ANKRD2: variants seen among roughly 807,000 people sequenced by gnomAD.
ANKRD2 encodes ankyrin repeat domain 2, also known as ankyrin repeat domain-containing protein 2.
In ANKRD2, 35 loss-of-function variants were observed where a neutral mutation model predicts 37.3. The ratio of observed to expected loss-of-function variants is 0.94; its 90% confidence interval spans 0.72 to 1.24. The LOEUF (loss-of-function observed/expected upper bound fraction) is 1.24, where lower values mean the gene tolerates loss of function less well. ANKRD2 is among the 50% of genes most tolerant of loss of function. The pLI is 0.00. For missense variants in ANKRD2, 410 were observed against 445.6 expected, an observed-to-expected ratio of 0.92 and a Z score of 0.72; for synonymous variants, 159 against 186.5, an observed-to-expected ratio of 0.85 and a Z score of 1.20.
chr10:97,572,979 A>C (rs1226403105), intron 1 of ANKRD2, 104 bp downstream of exon 1: 91 of 1,426,564 alleles, frequency 6.4e-5, no homozygotes, highest in Non-Finnish European at 8.4e-5. Context: ...GGAGGGGGGC[A>C]GATGTCCCCA....
intron 8 of ANKRD2, among the ~76,000 whole-genome samples, chr10:97,583,206 G>T (rs925498000): frequency 1.3e-5 from 2 of 152,136 alleles, no homozygotes; most frequent in Admixed American, 1.3e-4. Flanking sequence ...CACAAAAGGA[G>T]GCCATGGGAG....
At chr10:97,583,451 C>G in intron 8 of ANKRD2, 125 bp from the exon 9 acceptor site, 1 of 943,316 alleles carries the variant, frequency 1.1e-6, no homozygotes, top group East Asian at 2.9e-5. Flanking sequence ...TATCTTCACA[C>G]AATGCCAGTT....
intron 1 of ANKRD2, among the ~76,000 whole-genome samples, chr10:97,575,919 A>G (rs927430155): frequency 1.3e-5 from 2 of 152,034 alleles, no homozygotes; most frequent in Admixed American, 6.5e-5. Context: ...TCAAAAAAAA[A>G]AAAAAAATAC....
chr10:97,579,015 G>A (rs985211098), intron 4 of ANKRD2, among the ~76,000 whole-genome samples: 10 of 151,958 alleles, frequency 6.6e-5, no homozygotes, highest in African/African-American at 1.9e-4. Context: ...AACATGTTAC[G>A]GTGATCAAAT....
upstream of ANKRD2, chr10:97,572,687 G>A (rs1331598004): frequency 6.3e-7 from 1 of 1,590,466 alleles, no homozygotes; most frequent in South Asian, 1.1e-5. Context: ...GAGGCAGGTG[G>A]AGAATTGGGC....
chr10:97,575,209 G>T (rs1038386308), intron 1 of ANKRD2, among the ~76,000 whole-genome samples: 66 of 152,206 alleles, frequency 4.3e-4, no homozygotes, highest in Admixed American at 1.1e-3. Context: ...GTCCCCAGTT[G>T]TCTCTACCAG....
At chr10:97,573,709 G>A (rs1302134917) in intron 1 of ANKRD2, among the ~76,000 whole-genome samples, 2 of 152,180 alleles carry the variant, frequency 1.3e-5, no homozygotes, top group East Asian at 3.8e-4. Flanking sequence ...TTACAGGTAT[G>A]AGCCACCATG....
chr10:97,578,177 A>G, intron 2 of ANKRD2, 63 bp from the exon 3 acceptor site: 1 of 1,272,270 alleles, frequency 7.9e-7, no homozygotes, highest in Non-Finnish European at 1.1e-6. Flanking sequence ...CTTAGCTCAG[A>G]GGTCTCCCAA....
At chr10:97,577,436 TG>T (rs1406400378) in intron 1 of ANKRD2, among the ~76,000 whole-genome samples, 8 of 152,222 alleles carry the variant, frequency 5.3e-5, no homozygotes, top group African/African-American at 1.9e-4. Flanking sequence ...CCAGCCAAAG[TG>T]AATTTTTAAT....
chr10:97,583,539 T>C, intron 8 of ANKRD2, 37 bp from the exon 9 acceptor site: 2 of 1,538,260 alleles, frequency 1.3e-6, no homozygotes, highest in East Asian at 2.4e-5. Flanking sequence ...ACAGATTTTC[T>C]CTTGCCAACC....
chr10:97,580,832 C>A, intron 4 of ANKRD2, 23 bp from the exon 5 acceptor site: 1 of 1,591,770 alleles, frequency 6.3e-7, no homozygotes, highest in East Asian at 2.3e-5. Flanking sequence ...GAGGCCAGGC[C>A]CTGACAGCCT....
chr10:97,576,638 T>C (rs1186653794), intron 1 of ANKRD2, among the ~76,000 whole-genome samples: 2 of 151,952 alleles, frequency 1.3e-5, no homozygotes, highest in Non-Finnish European at 2.9e-5. Context: ...AATCATTTCA[T>C]CAAAGTGAAT....
At chr10:97,582,787 G>A (rs528394692) in intron 8 of ANKRD2, 85 bp downstream of exon 8, 14 of 1,227,600 alleles carry the variant, frequency 1.1e-5, no homozygotes, top group African/African-American at 5.9e-5. Flanking sequence ...AGCAGCCCCC[G>A]CCTAGGGACA....
Position 97,580,950 on chromosome 10 carries a change from T to A in ANKRD2, c.552T>A (p.Asp184Glu). 1 of 1,587,284 alleles carries A rather than the reference T, an allele frequency of 6.3e-7. No homozygotes were observed. Among genetic ancestry groups the A allele is most frequent in the Non-Finnish European group, 8.6e-7 (1 of 1,166,656 alleles). ...ATGGGGCCACTGTGGACTTCCAGGA[T>A]CGGGTGAGTGAGAGGGCAGGTATTC... ...LDNGATVDFQ[D>E]RLDCTAMHWA... Residue 184 changes from aspartate to glutamate, a missense_variant, in exon 5 of 9, where the codon GAT (aspartate) becomes GAA (glutamate). Transcript: ENST00000370655.
rs559762653 is a variant in ANKRD2, at chr10:97,580,718, G to A, written c.457-137G>A. On this transcript the variant is annotated intron_variant, in intron 4 of 8. Coordinates refer to ENST00000370655, the MANE Select transcript of ANKRD2 (RefSeq NM_001346793.2). ...GTCTGGATAGAGCATAAGGGAGCTG[G>A]CAGAACACAGAAAACATGGGGGCCA... 7 of 657,200 alleles carry A rather than the reference G, an allele frequency of 1.1e-5. No homozygotes were observed. In the Admixed American group the frequency reaches 1.4e-4, roughly 13 times the overall value. 40.7% of individuals were successfully genotyped at this position (657,200 alleles called of 1,614,324 possible).
intron 2 of ANKRD2, 121 bp from the exon 3 acceptor site, chr10:97,578,119 C>T: frequency 7.6e-7 from 1 of 1,317,648 alleles, no homozygotes; most frequent in Middle Eastern, 2.7e-4. Flanking sequence ...GACCTTGGTT[C>T]CTTCTTTCTT....
chr10:97,577,446 A>G (rs1459324486), intron 1 of ANKRD2, among the ~76,000 whole-genome samples: 2 of 152,214 alleles, frequency 1.3e-5, no homozygotes, highest in African/African-American at 4.8e-5. Flanking sequence ...TGAATTTTTA[A>G]TGCCAAAAAA....
rs141329111 is a variant in ANKRD2 at position 97,576,267 on chromosome 10, T to A, written c.88-1533T>A. ...CTCAGGACCCTCCAACCTGGGCAAT[T>A]GTTCCTGGACTCATAGCCACACAAG... On this transcript the variant is annotated intron_variant, in intron 1 of 8. Transcript: ENST00000370655. 2.2e-4 allele frequency among the ~76,000 whole-genome samples: 34 copies of A among 152,334 alleles called. No homozygotes were observed. The East Asian group carries it at 6.5e-3, about 29-fold the overall frequency.
chr10:97,579,307 CT>C (rs59132098), intron 4 of ANKRD2, among the ~76,000 whole-genome samples: 3,968 of 135,530 alleles, frequency 0.029, 62 homozygotes, highest in African/African-American at 0.081. Context: ...TAGTACTGTA[CT>C]TTTTTTTTTT....
Sources: allele counts gnomAD v4.1 joint callset (sites outside exome capture counted in the v4.1 genomes callset), GRCh38; gene constraint gnomAD v4.1.1; transcripts MANE v1.5; gene names NCBI Gene and HGNC (gene_info 2026-07-23, HGNC 2026-07-21).